SLC41A3: variants seen among roughly 807,000 people sequenced by gnomAD.
SLC41A3 encodes the protein SLC41A1-like 2.
A neutral mutation model predicts 45.4 loss-of-function variants in SLC41A3; 44 were observed. The ratio of observed to expected loss-of-function variants is 0.97; its 90% CI spans 0.76 to 1.25. The LOEUF (loss-of-function observed/expected upper bound fraction) is 1.25. Ranked by LOEUF, SLC41A3 falls within the 50% of genes most tolerant of loss-of-function variation. The pLI, the probability that SLC41A3 is intolerant of heterozygous loss-of-function variation, is 0.00. For missense variants in SLC41A3, 550 were observed against 600.6 expected (o/e 0.92, Z 0.88); for synonymous variants, 256 against 252.4 (o/e 1.01, Z -0.13).
intron 1 of SLC41A3, chr3:126,095,297 C>T (rs1945574637): frequency 1.0e-5 from 7 of 668,140 alleles, no homozygotes; most frequent in South Asian, 6.5e-5. Context: ...CCTGTTGCAG[C>T]CGTGTTGAGG....
At chr3:126,059,311 G>GAAAGAAAGAAAGAAAGA (rs1576331873) in intron 2 of SLC41A3, among the ~76,000 whole-genome samples, 76 of 81,100 alleles carry the variant, frequency 9.4e-4, no homozygotes, top group Middle Eastern at 7.4e-3. Flanking sequence ...AGAAAGAAAG[G>GAAAGAAAGAAAGAAAGA]AAGGATGATC....
At chr3:126,067,046 A>G (rs1046311046) in intron 2 of SLC41A3, among the ~76,000 whole-genome samples, 2 of 143,744 alleles carry the variant, frequency 1.4e-5, no homozygotes, top group African/African-American at 2.6e-5. Flanking sequence ...ATGTGTGTCA[A>G]TGTACATGTC....
intron 2 of SLC41A3, among the ~76,000 whole-genome samples, chr3:126,064,243 A>C (rs7632497): frequency 0.17 from 26,241 of 152,022 alleles, 2,391 homozygotes; most frequent in Middle Eastern, 0.26. Flanking sequence ...GCTCCTGTGG[A>C]TGAGGTTCCC....
At chr3:126,011,482 A>C (rs932609614) in intron 9 of SLC41A3, among the ~76,000 whole-genome samples, 1 of 152,242 alleles carries the variant, frequency 6.6e-6, no homozygotes, top group African/African-American at 2.4e-5. Flanking sequence ...AGGATCTAAC[A>C]TTCATGTCAT....
upstream of SLC41A3, among the ~76,000 whole-genome samples, chr3:126,086,498 CTGTGTGTG>C (rs57609698): frequency 2.2e-3 from 288 of 133,186 alleles, 2 homozygotes; most frequent in African/African-American, 7.4e-3. Context: ...GCTATAGGAT[CTGTGTGTG>C]TGTGTGTGTG....
chr3:126,053,145 T>C (rs1384911310), intron 2 of SLC41A3, among the ~76,000 whole-genome samples: 4 of 152,260 alleles, frequency 2.6e-5, no homozygotes, highest in Non-Finnish European at 4.4e-5. Context: ...GAAGTCCTCA[T>C]GCCTAGTACC....
At chr3:126,027,602 A>T (rs1472684594) in intron 4 of SLC41A3, among the ~76,000 whole-genome samples, 1 of 152,236 alleles carries the variant, frequency 6.6e-6, no homozygotes, top group Non-Finnish European at 1.5e-5. Context: ...TGTTATAAAG[A>T]TACCTGAAAA....
chr3:126,092,168 A>G (rs918716909), intron 1 of SLC41A3, among the ~76,000 whole-genome samples: 5 of 152,228 alleles, frequency 3.3e-5, no homozygotes, highest in Admixed American at 1.3e-4. Context: ...TCTCTGCAGC[A>G]CTGTGACATG....
chr3:126,089,263 C>G (rs1306766275), upstream of SLC41A3, among the ~76,000 whole-genome samples: 1 of 152,146 alleles, frequency 6.6e-6, no homozygotes, highest in East Asian at 1.9e-4. Context: ...TTTGCAGATG[C>G]AGCTTGCTGC....
intron 7 of SLC41A3, among the ~76,000 whole-genome samples, chr3:126,015,884 C>T (rs1940229572): frequency 6.6e-6 from 1 of 152,216 alleles, no homozygotes; most frequent in Non-Finnish European, 1.5e-5. Context: ...GACTCCGGCA[C>T]CACGACTGAG....
At chr3:126,010,271 G>A (rs191286442) in intron 9 of SLC41A3, among the ~76,000 whole-genome samples, 1 of 152,200 alleles carries the variant, frequency 6.6e-6, no homozygotes, top group Non-Finnish European at 1.5e-5. Context: ...TCGGGAGTTC[G>A]AGACCAGCCT....
chr3:126,083,110 C>A (rs536208646), intron 1 of SLC41A3, among the ~76,000 whole-genome samples: 1 of 152,202 alleles, frequency 6.6e-6, no homozygotes, highest in African/African-American at 2.4e-5. Flanking sequence ...CATCACAGGG[C>A]ACCTGGCCCA....
chr3:126,012,511 C>A, intron 9 of SLC41A3, 104 bp downstream of exon 9: 1 of 1,485,776 alleles, frequency 6.7e-7, no homozygotes, highest in Non-Finnish European at 9.2e-7. Context: ...GAGATCAGCC[C>A]TGGCTTCAGG....
At position 126,016,852 on chromosome 3, in the gene SLC41A3, C is replaced by G; in HGVS notation, c.769G>C (p.Val257Leu). 6.2e-7 allele frequency: 1 copy of G among 1,612,856 alleles called. No homozygotes were observed. Among genetic ancestry groups the G allele is most frequent in the South Asian group, 1.1e-5 (1 of 90,912 alleles). The change falls in exon 7 of 11, where the codon GTC becomes CTC. Residue 257 changes from valine to leucine, a missense_variant. Coordinates refer to ENST00000360370, the MANE Select transcript of SLC41A3 (RefSeq NM_017836.4). ...GTCAGAGCCGCAAAGCTGAGGCAGA[C>G]CAGCGGCGTCAGATACCGACTATCT... ...HKDSRYLTPL[V>L]CLSFAALTPV...
chr3:126,046,367 AC>A, intron 3 of SLC41A3, among the ~76,000 whole-genome samples: 1 of 152,102 alleles, frequency 6.6e-6, no homozygotes, highest in Non-Finnish European at 1.5e-5. Context: ...ACACACACAC[AC>A]ACACACACAC....
At chr3:126,017,294 G>A (rs367738980) in intron 6 of SLC41A3, among the ~76,000 whole-genome samples, 119 of 152,332 alleles carry the variant, frequency 7.8e-4, no homozygotes, top group African/African-American at 2.6e-3. Flanking sequence ...GGAAGCAGAC[G>A]TGCAAAAAAG....
chr3:126,098,607 G>A (rs1339428818), intron 1 of SLC41A3, among the ~76,000 whole-genome samples: 2 of 152,232 alleles, frequency 1.3e-5, no homozygotes, highest in Non-Finnish European at 2.9e-5. Flanking sequence ...CACGGGGGAG[G>A]TCTGAGGAAT....
chr3:126,095,022 G>T (rs74951744), intron 1 of SLC41A3, among the ~76,000 whole-genome samples: 13 of 152,322 alleles, frequency 8.5e-5, no homozygotes, highest in African/African-American at 2.2e-4. Context: ...TAAATTTTTT[G>T]AGCCTGCCCA....
intron 3 of SLC41A3, among the ~76,000 whole-genome samples, chr3:126,048,921 TA>T (rs34981926): frequency 0.3 from 43,578 of 147,534 alleles, 6,360 homozygotes; most frequent in African/African-American, 0.32. Flanking sequence ...AAGACTGATT[TA>T]AAAAAAAAAA....
Sources: allele counts gnomAD v4.1 joint callset (sites outside exome capture counted in the v4.1 genomes callset), GRCh38; gene constraint gnomAD v4.1.1; transcripts MANE v1.5; gene names NCBI Gene and HGNC (gene_info 2026-07-23, HGNC 2026-07-21).